FHAD1: variants seen among roughly 807,000 people sequenced by gnomAD.
FHAD1 encodes forkhead associated phosphopeptide binding domain 1.
Under a neutral mutation model 191.3 loss-of-function variants are expected in FHAD1, and 146 were observed. That is an observed-to-expected ratio of 0.76 (90% CI 0.67 to 0.88). FHAD1 has a LOEUF of 0.88. FHAD1 is among the 40% of genes least tolerant of loss of function. FHAD1 has a pLI of 0.00. For missense variants in FHAD1, 1,635 were observed against 1,785.8 expected, an observed-to-expected ratio of 0.92 and a Z score of 1.52; for synonymous variants, 616 against 672.3, an observed-to-expected ratio of 0.92 and a Z score of 1.29.
intron 33 of FHAD1, chr1:15,392,972 A>G (rs1364178541): frequency 6.6e-6 from 1 of 151,964 alleles, no homozygotes; most frequent in Non-Finnish European, 1.5e-5. Context: ...CACAACAGAT[A>G]TTAAGAGTCA....
intron 19 of FHAD1, among the ~76,000 whole-genome samples, chr1:15,351,302 G>C (rs191506317): frequency 6.6e-6 from 1 of 152,108 alleles, no homozygotes; most frequent in Non-Finnish European, 1.5e-5. Flanking sequence ...CTGAGAGCAC[G>C]CCACTGTACT....
At chr1:15,317,777 G>A (rs1198370812) in intron 9 of FHAD1, 47 bp from the exon 10 acceptor site, 5 of 1,375,462 alleles carry the variant, frequency 3.6e-6, no homozygotes, top group Non-Finnish European at 5.1e-6. Flanking sequence ...CAAGAAGGCA[G>A]CTCCTGCCCC....
chr1:15,319,455 T>G (rs1167839358), intron 10 of FHAD1, among the ~76,000 whole-genome samples: 1 of 152,150 alleles, frequency 6.6e-6, no homozygotes, highest in Non-Finnish European at 1.5e-5. Flanking sequence ...CAATTAAAAC[T>G]TAAGAGAAAA....
chr1:15,331,415 G>C (rs992671453), intron 14 of FHAD1, among the ~76,000 whole-genome samples: 6 of 151,274 alleles, frequency 4.0e-5, no homozygotes, highest in Non-Finnish European at 8.8e-5. Context: ...TTGGTGGGTG[G>C]GTGGATGGAT....
chr1:15,365,959 G>T, intron 24 of FHAD1, 26 bp downstream of exon 24: 1 of 1,429,308 alleles, frequency 7.0e-7, no homozygotes, highest in South Asian at 1.2e-5. Context: ...GGTGTCTCTT[G>T]ACCTCCTGAC....
In FHAD1 at chr1:15,318,556, C is replaced by T. The variant is rs1211907436; in HGVS notation, c.1365+628C>T. Among the ~76,000 whole-genome samples the T allele has an allele frequency of 6.6e-6, 1 of 152,134 alleles. No individual in the cohort carries two copies. Among genetic ancestry groups the T allele is most frequent in the Non-Finnish European group, 1.5e-5 (1 of 68,032 alleles). ...GGCTGAGGCAGGAGAATCACTTGAACCTGGGAGGTGGAGGTTGCAGCAAGC... is the reference window on the plus strand; with the variant it reads ...GGCTGAGGCAGGAGAATCACTTGAATCTGGGAGGTGGAGGTTGCAGCAAGC... On this transcript the variant is annotated intron_variant, in intron 10 of 33. Coordinates refer to ENST00000688493, the MANE Select transcript of FHAD1 (RefSeq NM_001391957.1). The surrounding 1 kb of genome is among the most constrained non-coding windows in gnomAD (Gnocchi z 4.1).
At chr1:15,280,969 TTC>T (rs1353501711) in intron 3 of FHAD1, among the ~76,000 whole-genome samples, 2 of 152,238 alleles carry the variant, frequency 1.3e-5, no homozygotes, top group African/African-American at 4.8e-5. Context: ...AGGGACCTAC[TTC>T]TTTAAGTTCT....
In FHAD1 at chr1:15,316,064, A is replaced by G. The variant is rs1341798859; in HGVS notation, c.1171-314A>G. Among the ~76,000 whole-genome samples, 1 of 152,266 alleles carries G rather than the reference A, an allele frequency of 6.6e-6. No individual in the cohort carries two copies. The highest frequency in any genetic ancestry group is 1.5e-5 in the Non-Finnish European group (1 of 68,048). On this transcript the variant is annotated intron_variant, in intron 8 of 33. Transcript: ENST00000688493. This position sits in a 1 kb window ranked among gnomAD's most constrained non-coding sequence, Gnocchi z 4.3. Reference sequence around the variant, plus strand: ...GTCCAGGCTCGCTAGTGGCCCTCCAAGGACATCCGTGTTTATTCCTCAGCA... The same window carrying G: ...GTCCAGGCTCGCTAGTGGCCCTCCAGGGACATCCGTGTTTATTCCTCAGCA...
intron 32 of FHAD1, 39 bp downstream of exon 32, chr1:15,388,170 G>C: frequency 5.7e-6 from 7 of 1,232,282 alleles, no homozygotes; most frequent in Non-Finnish European, 7.5e-6. Flanking sequence ...ACAGAGTAGA[G>C]ACAGTCTCAA....
chr1:15,269,525 T>G (rs1337250606), intron 2 of FHAD1, among the ~76,000 whole-genome samples: 1 of 152,254 alleles, frequency 6.6e-6, no homozygotes, highest in East Asian at 1.9e-4. Context: ...GAGAGCATAT[T>G]CTACATGATT....
chr1:15,367,955 T>TTTG (rs1214692013), intron 25 of FHAD1, among the ~76,000 whole-genome samples: 3 of 151,862 alleles, frequency 2.0e-5, no homozygotes, highest in Non-Finnish European at 2.9e-5. Flanking sequence ...CTTTGCCTGT[T>TTTG]TTGTTGTTGT....
rs1674426654 is a variant in FHAD1 at position 15,316,309 on chromosome 1, C to G, written c.1171-69C>G. ...CAGGGGCTCACATGGGGCCTTGGAG[C>G]CCCTCCTTCCCCCGACAACCCTACC... On this transcript the variant is annotated intron_variant, in intron 8 of 33. Coordinates refer to ENST00000688493, the MANE Select transcript of FHAD1 (RefSeq NM_001391957.1). This position sits in a 1 kb window ranked among gnomAD's most constrained non-coding sequence, Gnocchi z 4.3. 1 of 1,254,906 alleles carries G rather than the reference C, an allele frequency of 8.0e-7. No individual in the cohort carries two copies. The allele number at this position is 1,254,906 out of a possible 1,614,324, so 77.7% of individuals were successfully genotyped here. A position where few individuals can be genotyped will look rare whatever the true frequency, so the allele number is the denominator to read the frequency against.
At position 15,289,326 on chromosome 1, in the gene FHAD1, T is replaced by C. The variant is rs1663634738; in HGVS notation, c.301-73T>C. The C allele has an allele frequency of 6.7e-7, 1 of 1,501,536 alleles. No individual in the cohort carries two copies. The highest frequency in any genetic ancestry group is 8.9e-7 in the Non-Finnish European group (1 of 1,119,120). The allele number at this position is 1,501,536 out of a possible 1,614,324, so 93.0% of individuals were successfully genotyped here. A position where few individuals can be genotyped will look rare whatever the true frequency, so the allele number is the denominator to read the frequency against. On this transcript the variant is annotated intron_variant, in intron 3 of 33. Transcript: ENST00000688493. The surrounding 1 kb of genome is among the most constrained non-coding windows in gnomAD (Gnocchi z 4.2). ...AAACCAAGACCTTGGGCAGCAATGC[T>C]GTGGCTGGGACAAAGAAATGGAGAC...
rs1700849243 is a variant in FHAD1, at chr1:15,381,319, A to C, written c.3890A>C (p.Glu1297Ala). ...HVSMKYLSRQ[E>A]REKVNQLRQR... is the part of the protein sequence containing the mutation. ...TCCATGAAATACCTCTCCCGCCAGGAGAGGGAGAAGGTCAACCAGCTTCGA... is the reference window on the plus strand; with the variant it reads ...TCCATGAAATACCTCTCCCGCCAGGCGAGGGAGAAGGTCAACCAGCTTCGA... The change falls in exon 30 of 34, where the codon GAG becomes GCG. Residue 1297 changes from glutamate (E) to alanine (A), a missense_variant. Transcript: ENST00000688493. The surrounding 1 kb of genome is among the most constrained non-coding windows in gnomAD (Gnocchi z 4.6). 1 of 1,551,486 alleles carries C rather than the reference A, an allele frequency of 6.4e-7. No homozygotes were observed.
At chr1:15,270,237 T>G (rs1655341454) in intron 2 of FHAD1, among the ~76,000 whole-genome samples, 4 of 152,276 alleles carry the variant, frequency 2.6e-5, no homozygotes, top group South Asian at 4.1e-4. Flanking sequence ...CCCCAGTTTT[T>G]CTTGTTCTGA....
intron 27 of FHAD1, among the ~76,000 whole-genome samples, chr1:15,374,848 GT>G (rs1240141194): frequency 5.7e-4 from 61 of 107,626 alleles, no homozygotes; most frequent in African/African-American, 2.3e-3. Context: ...ACTATTGTAC[GT>G]TTTTTTTTTT....
chr1:15,238,250 G>GAAAA (rs35058576), intron 1 of FHAD1, among the ~76,000 whole-genome samples: 20,476 of 96,422 alleles, frequency 0.21, 2,570 homozygotes, highest in South Asian at 0.27. Flanking sequence ...CCATCTCAAG[G>GAAAA]AAAAAAAAAA....
chr1:15,391,096 C>T, intron 32 of FHAD1, 114 bp from the exon 33 acceptor site: 1 of 378,992 alleles, frequency 2.6e-6, no homozygotes, highest in Non-Finnish European at 4.5e-6. Context: ...CCTGGGAAGG[C>T]CCAGCGTTCC....
intron 33 of FHAD1, 42 bp downstream of exon 33, chr1:15,391,305 GTT>G (rs1301264014): frequency 2.1e-5 from 23 of 1,112,820 alleles, no homozygotes; most frequent in Non-Finnish European, 2.5e-5. Context: ...TTTTTTTGTT[GTT>G]TTGTTTTGTT....
Sources: gnomAD v4.1 joint callset for allele counts (sites outside exome capture counted in the v4.1 genomes callset) on GRCh38, gnomAD v4.1.1 for gene constraint, Gnocchi (gnomAD v3.1) non-coding constraint, MANE v1.5 for transcripts, NCBI Gene and HGNC (gene_info 2026-07-23, HGNC 2026-07-21) for gene names.